ATP1B3: variants seen among roughly 807,000 people sequenced by gnomAD.
ATP1B3 encodes ATPase Na+/K+ transporting subunit beta 3.
ATP1B3 carries 10 observed loss-of-function variants against 30.2 expected under a neutral mutation model. That is an observed-to-expected ratio of 0.33 (90% CI 0.20 to 0.56). The LOEUF is 0.56. ATP1B3 is among the 20% of genes least tolerant of loss of function. ATP1B3 has a pLI of 0.90. For synonymous variants in ATP1B3, 113 were observed against 117.0 expected (o/e 0.97, Z 0.22); for missense variants, 238 against 336.7 (o/e 0.71, Z 2.29).
At chr3:141,893,747 A>T (rs934061523) in intron 1 of ATP1B3, among the ~76,000 whole-genome samples, 1 of 152,194 alleles carries the variant, frequency 6.6e-6, no homozygotes, top group Non-Finnish European at 1.5e-5. Context: ...AAGATAATGA[A>T]CATTTATCAC....
chr3:141,882,841 C>T (rs1476819645), intron 1 of ATP1B3, among the ~76,000 whole-genome samples: 8 of 152,210 alleles, frequency 5.3e-5, no homozygotes, highest in Admixed American at 5.2e-4. Flanking sequence ...ATGCCTTGGC[C>T]TCCCAAAGTA....
At chr3:141,913,509 T>C in intron 3 of ATP1B3, 143 bp from the exon 4 acceptor site, 1 of 670,490 alleles carries the variant, frequency 1.5e-6, no homozygotes. Flanking sequence ...AGGGGCAAAC[T>C]TAACATTCTT....
chr3:141,907,787 G>A lies in ATP1B3; in HGVS notation c.346+513G>A, dbSNP rs371058177. Among the ~76,000 whole-genome samples the A allele has an allele frequency of 2.4e-3, 361 of 152,214 alleles. 3 individuals carry two copies. Among genetic ancestry groups the A allele is most frequent in the South Asian group, 0.022 (105 of 4,828 alleles). On this transcript the variant is annotated intron_variant, in intron 3 of 6. Transcript: ENST00000286371. ...TGTGAGACTGTTCTAACTATAGAAA[G>A]ACACAGGGGCTTACTCATGGGTAGT...
At chr3:141,909,429 TAAAAC>T (rs1442875656) in intron 3 of ATP1B3, among the ~76,000 whole-genome samples, 1 of 152,006 alleles carries the variant, frequency 6.6e-6, no homozygotes, top group Non-Finnish European at 1.5e-5. Flanking sequence ...AGGGGGAAAA[TAAAAC>T]AGAAAAAGGA....
At chr3:141,901,221 C>T (rs541220933) in intron 1 of ATP1B3, among the ~76,000 whole-genome samples, 1 of 152,330 alleles carries the variant, frequency 6.6e-6, no homozygotes, top group Non-Finnish European at 1.5e-5. Flanking sequence ...CTGAGGCGGG[C>T]ATGGCACATT....
In ATP1B3 at chr3:141,889,728, C is replaced by CAAAAA. The variant is rs1168549266; in HGVS notation, c.109+12837_109+12841dup. On this transcript the variant is annotated intron_variant, in intron 1 of 6. Coordinates refer to ENST00000286371, the MANE Select transcript of ATP1B3 (RefSeq NM_001679.4). ...GGGCAAAAAGAGCGAGACTCCGTCT[C>CAAAAA]AAAAAAAAAAAAAAAAAAAAAAATA... Among the ~76,000 whole-genome samples, 39 of 48,482 alleles carry CAAAAA rather than the reference C, an allele frequency of 8.0e-4. 4 individuals carry two copies. Among genetic ancestry groups the CAAAAA allele is most frequent in the African/African-American group, 3.1e-3 (38 of 12,156 alleles). 31.8% of individuals were successfully genotyped at this position (48,482 alleles called of 152,430 possible).
chr3:141,917,017 ATTTT>A (rs63326663), intron 5 of ATP1B3, among the ~76,000 whole-genome samples: 5 of 122,946 alleles, frequency 4.1e-5, no homozygotes, highest in Non-Finnish European at 3.3e-5. Context: ...CTCCCGGCTA[ATTTT>A]TTTTTTTTTT....
intron 2 of ATP1B3, among the ~76,000 whole-genome samples, 185 bp downstream of exon 2, chr3:141,903,933 C>T (rs748050543): frequency 1.3e-5 from 2 of 152,066 alleles, no homozygotes; most frequent in African/African-American, 2.4e-5. Flanking sequence ...TACAGGCATG[C>T]GCCACCACGC....
chr3:141,895,189 T>TTC (rs200491135), intron 1 of ATP1B3, among the ~76,000 whole-genome samples: 83 of 113,428 alleles, frequency 7.3e-4, no homozygotes, highest in Admixed American at 1.7e-3. Context: ...CTTTCTTTTC[T>TTC]TTTTTTTTTT....
chr3:141,881,450 G>A (rs961952967), intron 1 of ATP1B3, among the ~76,000 whole-genome samples: 3 of 152,124 alleles, frequency 2.0e-5, no homozygotes, highest in Admixed American at 2.0e-4. Context: ...TCCATGAAGT[G>A]CCATTTTCTC....
chr3:141,878,349 C>G (rs1051030210), intron 1 of ATP1B3, among the ~76,000 whole-genome samples: 1 of 152,200 alleles, frequency 6.6e-6, no homozygotes, highest in South Asian at 2.1e-4. Flanking sequence ...AGAAATAAAT[C>G]TTGCATCCAG....
In ATP1B3 at chr3:141,905,920, TTAAA is replaced by T. The variant is rs1475683431; in HGVS notation, c.239-1240_239-1237del. Among the ~76,000 whole-genome samples the T allele has an allele frequency of 5.3e-5, 8 of 152,148 alleles. No individual in the cohort carries two copies. In the East Asian group the frequency reaches 9.6e-4, roughly 18 times the overall value. On this transcript the variant is annotated intron_variant, in intron 2 of 6. Transcript: ENST00000286371. ...TTTTAGTACTTAAAGTATCATTAGTTTAAATAAATATACATGCATACACATGTAC... is the reference window on the plus strand; with the variant it reads ...TTTTAGTACTTAAAGTATCATTAGTTTAAATATACATGCATACACATGTAC...
At chr3:141,903,286 T>C (rs904974636) in intron 1 of ATP1B3, among the ~76,000 whole-genome samples, 2 of 152,198 alleles carry the variant, frequency 1.3e-5, no homozygotes, top group Non-Finnish European at 2.9e-5. Context: ...TTGTATCTTT[T>C]TAGAGGGCAT....
intron 1 of ATP1B3, among the ~76,000 whole-genome samples, chr3:141,877,138 C>A (rs1170976545): frequency 6.6e-6 from 1 of 151,102 alleles, no homozygotes; most frequent in Non-Finnish European, 1.5e-5. Flanking sequence ...GGCAGCCCGG[C>A]CGGGCCGCGC....
At chr3:141,881,093 C>G (rs1933715052) in intron 1 of ATP1B3, among the ~76,000 whole-genome samples, 1 of 151,938 alleles carries the variant, frequency 6.6e-6, no homozygotes, top group South Asian at 2.1e-4. Flanking sequence ...ATCCCAACTA[C>G]TCTGGAGGCT....
chr3:141,912,531 G>A (rs755561219), intron 3 of ATP1B3, among the ~76,000 whole-genome samples: 1 of 152,132 alleles, frequency 6.6e-6, no homozygotes. Context: ...AAAGTGCTGG[G>A]ATTACAGGCA....
intron 5 of ATP1B3, among the ~76,000 whole-genome samples, chr3:141,920,764 A>G (rs1331782619): frequency 6.6e-6 from 1 of 152,132 alleles, no homozygotes; most frequent in Non-Finnish European, 1.5e-5. Context: ...AAAGAGTACA[A>G]ATGTAGGGTG....
intron 1 of ATP1B3, among the ~76,000 whole-genome samples, chr3:141,880,677 GTGT>G (rs1308428809): frequency 6.6e-6 from 1 of 152,074 alleles, no homozygotes; most frequent in Non-Finnish European, 1.5e-5. Flanking sequence ...TTTAAAAAAA[GTGT>G]TGTTTCATGA....
At chr3:141,877,357 C>T (rs930269057) in intron 1 of ATP1B3, among the ~76,000 whole-genome samples, 1 of 152,158 alleles carries the variant, frequency 6.6e-6, no homozygotes, top group Non-Finnish European at 1.5e-5. Context: ...AAGCCAGACC[C>T]TGCCCCACTC....
Sources: gnomAD v4.1 joint callset for allele counts (sites outside exome capture counted in the v4.1 genomes callset) on GRCh38, gnomAD v4.1.1 for gene constraint, MANE v1.5 for transcripts, NCBI Gene and HGNC (gene_info 2026-07-23, HGNC 2026-07-21) for gene names.